The following GSK3B variants were observed in gnomAD, a reference collection of about 807,000 sequenced individuals.
The protein encoded by GSK3B is glycogen synthase kinase-3 beta.
A neutral mutation model predicts 56.4 loss-of-function variants in GSK3B; 15 were observed. That is an observed-to-expected ratio of 0.27 (90% CI 0.18 to 0.41). GSK3B has a LOEUF of 0.41. Ranked by LOEUF, GSK3B falls within the 10% of genes least tolerant of loss-of-function variation. The pLI is 1.00. For synonymous variants in GSK3B, 181 were observed against 188.9 expected (o/e 0.96, Z 0.34); for missense variants, 300 against 513.4 (o/e 0.58, Z 4.02).
At chr3:119,862,774 T>A (rs1047788848) in intron 9 of GSK3B, among the ~76,000 whole-genome samples, 7 of 150,426 alleles carry the variant, frequency 4.7e-5, no homozygotes, top group Non-Finnish European at 8.8e-5. Flanking sequence ...ATCACTTAGG[T>A]CTTAATCAAG....
At chr3:120,015,273 C>T (rs150312197) in intron 1 of GSK3B, among the ~76,000 whole-genome samples, 3 of 152,326 alleles carry the variant, frequency 2.0e-5, no homozygotes, top group African/African-American at 7.2e-5. Flanking sequence ...TCTTTTACCA[C>T]TCACATGTGC....
chr3:119,854,421 A>C (rs2055987275), intron 9 of GSK3B, among the ~76,000 whole-genome samples: 1 of 152,170 alleles, frequency 6.6e-6, no homozygotes, highest in South Asian at 2.1e-4. Flanking sequence ...TATCAGGATG[A>C]TGCTGGCCTC....
At chr3:119,841,076 C>T (rs2055764382) in intron 10 of GSK3B, among the ~76,000 whole-genome samples, 1 of 152,150 alleles carries the variant, frequency 6.6e-6, no homozygotes, top group African/African-American at 2.4e-5. Context: ...TAGCTCTGAC[C>T]TCAGCTTACT....
chr3:119,862,275 C>CA (rs2056114656), intron 9 of GSK3B, among the ~76,000 whole-genome samples: 2 of 136,004 alleles, frequency 1.5e-5, no homozygotes, highest in South Asian at 4.9e-4. Flanking sequence ...ATCGCAAGAA[C>CA]AAAAAACCAA....
chr3:120,032,690 C>T (rs935575261), intron 1 of GSK3B, among the ~76,000 whole-genome samples: 3 of 151,960 alleles, frequency 2.0e-5, no homozygotes, highest in Admixed American at 6.6e-5. Context: ...TAATTATATA[C>T]GTGGCTTGCA....
intron 10 of GSK3B, among the ~76,000 whole-genome samples, chr3:119,833,211 G>C (rs1034497655): frequency 2.0e-5 from 3 of 148,308 alleles, no homozygotes; most frequent in Middle Eastern, 3.5e-3. Flanking sequence ...GAAGGAGAGT[G>C]AATGGAAGGT....
intron 2 of GSK3B, among the ~76,000 whole-genome samples, chr3:119,956,077 A>C (rs2057211686): frequency 6.6e-6 from 1 of 152,250 alleles, no homozygotes; most frequent in African/African-American, 2.4e-5. Context: ...AAATGGAAGA[A>C]AATGGGTCTA....
chr3:120,084,631 C>G (rs1465214301), intron 1 of GSK3B: 5 of 152,184 alleles, frequency 3.3e-5, no homozygotes, highest in Non-Finnish European at 7.4e-5. Context: ...CGCCTCTGAT[C>G]TCTCAAGAGA....
In GSK3B at chr3:119,843,538, T is replaced by A. The variant is rs113576547; in HGVS notation, c.1097-185A>T. On this transcript the variant is annotated intron_variant, in intron 9 of 10. Coordinates refer to ENST00000264235, the MANE Select transcript of GSK3B (RefSeq NM_001146156.2). ...TGGGTGAATCACCTGAGGTCAGGAG[T>A]TCGAGATCAGCCTGGCCAACATGGT... The A allele has an allele frequency of 0.016, 4,403 of 275,324 alleles. 188 individuals carry two copies. Among genetic ancestry groups the A allele is most frequent in the African/African-American group, 0.089 (3,844 of 43,248 alleles). The allele number at this position is 275,324 out of a possible 1,614,324, so 17.1% of individuals were successfully genotyped here. A position where few individuals can be genotyped will look rare whatever the true frequency, so the allele number is the denominator to read the frequency against.
In GSK3B at chr3:120,093,429, T is replaced by C. The variant is rs199845730; in HGVS notation, c.6A>G (p.Ser2=). ...CAAAGGAGGTGGTTCTGGGCCGCCC[T>C]GACATGATCACTCTCTTCGCGAATC... M[S]GRPRTTSFAE... is the part of the protein sequence containing the mutation. Residue 2 remains serine (S), a synonymous_variant, in exon 1 of 11, where the codon TCA becomes TCG. Coordinates refer to ENST00000264235, the MANE Select transcript of GSK3B (RefSeq NM_001146156.2). 1.2e-6 allele frequency: 2 copies of C among 1,608,862 alleles called. No homozygotes were observed. Among genetic ancestry groups the C allele is most frequent in the Non-Finnish European group, 1.7e-6 (2 of 1,175,222 alleles).
In GSK3B at chr3:120,050,457, A is replaced by G. The variant is rs147150535; in HGVS notation, c.88+42890T>C. Among the ~76,000 whole-genome samples the G allele has an allele frequency of 3.3e-5, 5 of 152,358 alleles. No individual in the cohort carries two copies. In the East Asian group the frequency reaches 9.6e-4, roughly 29 times the overall value. ...AAACCTCTGGTCTAGGCAGAGTGAT[A>G]AGGTCCTAAACTAAAGTGAAGGCTC... On this transcript the variant is annotated intron_variant, in intron 1 of 10. Coordinates refer to ENST00000264235, the MANE Select transcript of GSK3B (RefSeq NM_001146156.2).
intron 9 of GSK3B, among the ~76,000 whole-genome samples, chr3:119,859,134 A>T (rs2056064223): frequency 1.3e-5 from 2 of 152,054 alleles, no homozygotes; most frequent in Non-Finnish European, 2.9e-5. Flanking sequence ...CCTGTTGGAA[A>T]AACAGGCTTA....
intron 2 of GSK3B, among the ~76,000 whole-genome samples, chr3:119,955,649 TTTG>T (rs143437523): frequency 2.6e-5 from 4 of 151,346 alleles, no homozygotes; most frequent in African/African-American, 4.9e-5. Flanking sequence ...TGCTTTTGTT[TTTG>T]TTGTTGTTGT....
intron 1 of GSK3B, among the ~76,000 whole-genome samples, chr3:120,035,826 T>C (rs2058018190): frequency 1.3e-5 from 2 of 152,234 alleles, no homozygotes; most frequent in Non-Finnish European, 2.9e-5. Context: ...ACATTGAGCC[T>C]ACATAAAATG....
intron 2 of GSK3B, among the ~76,000 whole-genome samples, chr3:119,976,741 T>C (rs2107520437): frequency 8.0e-6 from 1 of 124,386 alleles, no homozygotes; most frequent in Non-Finnish European, 1.7e-5. Context: ...TAAATAAATA[T>C]ATCAAGCAGC....
At chr3:119,958,684 G>C (rs1415040980) in intron 2 of GSK3B, among the ~76,000 whole-genome samples, 1 of 151,196 alleles carries the variant, frequency 6.6e-6, no homozygotes, top group Non-Finnish European at 1.5e-5. Flanking sequence ...TCTCTCCCTC[G>C]ACCCTGGAAG....
At chr3:119,955,886 C>G (rs559047589) in intron 2 of GSK3B, among the ~76,000 whole-genome samples, 29 of 152,284 alleles carry the variant, frequency 1.9e-4, no homozygotes, top group Admixed American at 3.3e-4. Flanking sequence ...CTCCTGACCT[C>G]TGGTGATCCG....
chr3:120,073,638 A>G (rs1315718392), intron 1 of GSK3B, among the ~76,000 whole-genome samples: 3 of 152,196 alleles, frequency 2.0e-5, no homozygotes, highest in Non-Finnish European at 4.4e-5. Flanking sequence ...TACCCTAAAA[A>G]ACCTTAATTC....
chr3:120,036,347 T>C (rs1254967717), intron 1 of GSK3B, among the ~76,000 whole-genome samples: 2 of 152,172 alleles, frequency 1.3e-5, no homozygotes, highest in Non-Finnish European at 2.9e-5. Context: ...TCAGAAGATA[T>C]CCTCATTAAG....
Sources: gnomAD v4.1 joint callset for allele counts (sites outside exome capture counted in the v4.1 genomes callset) on GRCh38, gnomAD v4.1.1 for gene constraint, MANE v1.5 for transcripts, NCBI Gene and HGNC (gene_info 2026-07-23, HGNC 2026-07-21) for gene names.